The following CPAMD8 variants were observed in gnomAD, a reference collection of about 807,000 sequenced individuals.
CPAMD8 encodes C3 and PZP-like alpha-2-macroglobulin domain-containing protein 8.
CPAMD8 carries 146 observed loss-of-function variants against 224.7 expected under a neutral mutation model. The ratio of observed to expected loss-of-function variants is 0.65; its 90% CI spans 0.57 to 0.75. The LOEUF is 0.75. Ranked by LOEUF, CPAMD8 falls within the 30% of genes least tolerant of loss-of-function variation. CPAMD8 has a pLI of 0.00. For synonymous variants in CPAMD8, 966 were observed against 1,044.6 expected (o/e 0.92, Z 1.45); for missense variants, 2,301 against 2,537.5 (o/e 0.91, Z 2.00).
Position 16,893,202 on chromosome 19 carries a change from G to A in CPAMD8, c.5564C>T (p.Pro1855Leu). Residue 1855 changes from proline (P) to leucine (L), a missense_variant, in exon 42 of 42, where the codon CCA becomes CTA. By Grantham distance (98) the Pro-to-Leu change is moderately conservative. Transcript: ENST00000443236. ...GACGAAGACAGGGCTCAGAAGCCCTGGCCTGTGGGCCCCCACCACCCGGCC... is the reference window on the plus strand; with the variant it reads ...GACGAAGACAGGGCTCAGAAGCCCTAGCCTGTGGGCCCCCACCACCCGGCC... The part of the protein sequence containing the change: ...HSGRVVGAHR[P>L]GLLSPVFVYS... 6.3e-7 allele frequency: 1 copy of A among 1,595,038 alleles called. No individual in the cohort carries two copies. Among genetic ancestry groups the A allele is most frequent in the Non-Finnish European group, 8.6e-7 (1 of 1,168,378 alleles).
At chr19:16,952,472 T>C (rs1221796629) in intron 19 of CPAMD8, among the ~76,000 whole-genome samples, 1 of 151,790 alleles carries the variant, frequency 6.6e-6, no homozygotes, top group Admixed American at 6.6e-5. Flanking sequence ...AGCCCAGGAG[T>C]TCCGGACCAC....
intron 14 of CPAMD8, among the ~76,000 whole-genome samples, chr19:16,977,967 G>T (rs1470592885): frequency 6.6e-6 from 1 of 152,142 alleles, no homozygotes; most frequent in Non-Finnish European, 1.5e-5. Context: ...GCAGACCTGG[G>T]CAGCCATTAT....
intron 23 of CPAMD8, among the ~76,000 whole-genome samples, chr19:16,934,501 G>C (rs1599731040): frequency 2.0e-5 from 3 of 152,110 alleles, no homozygotes; most frequent in Admixed American, 1.3e-4. Flanking sequence ...TTAAATTATG[G>C]AACAGTTATT....
chr19:16,967,891 A>ATATATGTGCATATATACACACACG lies in CPAMD8; in HGVS notation c.2213+2999_2213+3000insCGTGTGTGTATATATGCACATATA, dbSNP rs1568540018. ...TATATATGTGCATATATACACACAC[A>ATATATGTGCATATATACACACACG]TGTGTGTGTATATATGTGCATATAT... On this transcript the variant is annotated intron_variant, in intron 18 of 41. Coordinates refer to ENST00000443236, the MANE Select transcript of CPAMD8 (RefSeq NM_015692.5). Among the ~76,000 whole-genome samples the ATATATGTGCATATATACACACACG allele has an allele frequency of 1.6e-3, 41 of 25,904 alleles. 4 individuals carry two copies. Among genetic ancestry groups the ATATATGTGCATATATACACACACG allele is most frequent in the East Asian group, 7.7e-3 (1 of 130 alleles). The allele number at this position is 25,904 out of a possible 152,430, so 17.0% of individuals were successfully genotyped here.
intron 20 of CPAMD8, among the ~76,000 whole-genome samples, chr19:16,947,864 T>A (rs114093192): frequency 0.01 from 1,530 of 152,330 alleles, 30 homozygotes; most frequent in African/African-American, 0.035. Context: ...AGTTTCTGCA[T>A]GCATGTGTGT....
At chr19:16,914,866 A>C in intron 27 of CPAMD8, 53 bp from the exon 28 acceptor site, 4 of 1,370,150 alleles carry the variant, frequency 2.9e-6, no homozygotes, top group Admixed American at 2.1e-5. Flanking sequence ...CAGCCCCCAC[A>C]TGCTGGCTGA....
rs1599713412 is a variant in CPAMD8, at chr19:16,925,355, T to C, written c.3388A>G (p.Thr1130Ala). Reference sequence around the variant, plus strand: ...AGGAGGTTGTTGAGGTGGTTCAGGGTTGGCCCCATGACGTCCCCTGGTGGG... The same window carrying C: ...AGGAGGTTGTTGAGGTGGTTCAGGGCTGGCCCCATGACGTCCCCTGGTGGG... ...ASIIGDVMGPTLNHLNNLLRL... is the reference protein window; with the variant it reads ...ASIIGDVMGPALNHLNNLLRL... Residue 1130 changes from threonine (T) to alanine (A), a missense_variant, in exon 26 of 42, where the codon ACC becomes GCC. Thr to Ala is a moderately conservative substitution (Grantham distance 58, BLOSUM62 0). This residue lies in a region of CPAMD8 where 1,709 missense variants were observed against 1,753.2 expected (regional missense o/e 0.97). Transcript: ENST00000443236. The C allele has an allele frequency of 6.2e-7, 1 of 1,614,102 alleles. No homozygotes were observed. Among genetic ancestry groups the C allele is most frequent in the East Asian group, 2.2e-5 (1 of 44,886 alleles).
chr19:17,002,719 G>T (rs12977760), intron 8 of CPAMD8, among the ~76,000 whole-genome samples: 1 of 151,626 alleles, frequency 6.6e-6, no homozygotes, highest in Non-Finnish European at 1.5e-5. Context: ...GCATCCCCAG[G>T]GTGACTGCAA....
intron 29 of CPAMD8, among the ~76,000 whole-genome samples, chr19:16,914,152 A>C (rs932638697): frequency 6.6e-6 from 1 of 152,168 alleles, no homozygotes; most frequent in Admixed American, 6.5e-5. Context: ...GGCTGTGGAC[A>C]GTCATGGGAG....
intron 25 of CPAMD8, 47 bp from the exon 26 acceptor site, chr19:16,925,419 G>C: frequency 2.8e-6 from 4 of 1,449,614 alleles, no homozygotes; most frequent in Middle Eastern, 2.1e-4. Context: ...TCCCAGTTCA[G>C]TAGAGAACAG....
chr19:16,904,092 A>G, intron 32 of CPAMD8, 134 bp downstream of exon 32: 1 of 1,082,374 alleles, frequency 9.2e-7, no homozygotes. Context: ...CTCACCCCCA[A>G]CCCCTGCCCT....
At chr19:17,012,771 T>G (rs2056695778) in intron 3 of CPAMD8, among the ~76,000 whole-genome samples, 2 of 152,238 alleles carry the variant, frequency 1.3e-5, no homozygotes, top group African/African-American at 4.8e-5. Context: ...TCTCCCTTCT[T>G]GCCAAGTGAA....
chr19:16,950,802 A>T (rs2054276063), intron 20 of CPAMD8, among the ~76,000 whole-genome samples: 1 of 150,242 alleles, frequency 6.7e-6, no homozygotes, highest in Non-Finnish European at 1.5e-5. Context: ...CGAAAAAAAA[A>T]AAAAAAAAAA....
At chr19:16,909,341 G>A (rs940981173) in intron 29 of CPAMD8, among the ~76,000 whole-genome samples, 2 of 151,984 alleles carry the variant, frequency 1.3e-5, no homozygotes, top group Non-Finnish European at 2.9e-5. Flanking sequence ...TCAGGAGATC[G>A]AGACCATCCT....
intron 3 of CPAMD8, among the ~76,000 whole-genome samples, chr19:17,014,028 C>CT (rs1449369559): frequency 2.8e-5 from 1 of 35,632 alleles, no homozygotes; most frequent in Non-Finnish European, 6.8e-5. Context: ...CCATCCCTCC[C>CT]TTCTTTCTTT....
In CPAMD8 at chr19:16,896,162, G is replaced by C. The variant is rs1335340587; in HGVS notation, c.5426+14C>G. 3 of 1,613,434 alleles carry C rather than the reference G, an allele frequency of 1.9e-6. No individual in the cohort carries two copies. The highest frequency in any genetic ancestry group is 2.5e-6 in the Non-Finnish European group (3 of 1,179,826). On this transcript the variant is annotated intron_variant, in intron 41 of 41. Coordinates refer to ENST00000443236, the MANE Select transcript of CPAMD8 (RefSeq NM_015692.5). ...GCCTATGTCTCTTATCTCTGGGGTG[G>C]GCCCAGCTGTTACCTGTCCTCCGCC...
chr19:16,927,190 ATGT>A (rs777618356), intron 25 of CPAMD8, among the ~76,000 whole-genome samples: 1 of 151,358 alleles, frequency 6.6e-6, no homozygotes, highest in Non-Finnish European at 1.5e-5. Flanking sequence ...TAATTCCCAC[ATGT>A]TGTGGGAAGG....
chr19:17,002,117 CCAGGG>C, intron 9 of CPAMD8, 144 bp downstream of exon 9: 1 of 612,438 alleles, frequency 1.6e-6, no homozygotes. Flanking sequence ...GGGGCACACC[CCAGGG>C]AGGAGGGAAC....
intron 27 of CPAMD8, among the ~76,000 whole-genome samples, chr19:16,915,868 CTTCT>C (rs1255901897): frequency 4.0e-5 from 6 of 150,782 alleles, no homozygotes; most frequent in Non-Finnish European, 8.9e-5. Context: ...CTCTTCCTTT[CTTCT>C]TTCTCTCTTT....
Sources: gnomAD v4.1 joint callset for allele counts (sites outside exome capture counted in the v4.1 genomes callset) on GRCh38, gnomAD v4.1.1 for gene constraint, gnomAD v4.1.1 regional missense constraint, MANE v1.5 for transcripts, NCBI Gene and HGNC (gene_info 2026-07-23, HGNC 2026-07-21) for gene names.